ABCB1: variants seen among roughly 807,000 people sequenced by gnomAD.
ABCB1 encodes the protein ATP binding cassette subfamily B member 1.
A neutral mutation model predicts 142.0 loss-of-function variants in ABCB1; 69 were observed. That is an observed-to-expected ratio of 0.49 (90% confidence interval 0.40 to 0.59). ABCB1 has a LOEUF of 0.59. ABCB1 is among the 20% of genes least tolerant of loss of function. The pLI, the probability that ABCB1 is intolerant of heterozygous loss-of-function variation, is 0.00. For missense variants in ABCB1, 1,326 were observed against 1,554.7 expected (o/e 0.85, Z 2.47); for synonymous variants, 532 against 539.2 (o/e 0.99, Z 0.18).
At position 87,536,485 on chromosome 7, in the gene ABCB1, G is replaced by C; in HGVS notation, c.2454C>G (p.Leu818=). 2 of 1,613,920 alleles carry C rather than the reference G, an allele frequency of 1.2e-6. No individual in the cohort carries two copies. The highest frequency in any genetic ancestry group is 1.7e-6 in the Non-Finnish European group (2 of 1,179,890). The change falls in exon 20 of 28, where the codon CTC becomes CTG. Residue 818 remains leucine, a synonymous_variant. Transcript: ENST00000622132. ...KNTTGALTTR[L]ANDAAQVKGA... is the part of the protein sequence containing the mutation. ...CTTTAACTTGAGCAGCATCATTGGC[G>C]AGCCTGGTAGTCAATGCTCCAGTGG... is the stretch of plus-strand genomic sequence containing the variant.
intron 1 of ABCB1, among the ~76,000 whole-genome samples, chr7:87,681,919 A>G (rs1226842101): frequency 1.3e-5 from 2 of 152,178 alleles, no homozygotes; most frequent in Non-Finnish European, 2.9e-5. Flanking sequence ...TCTAGCATGC[A>G]ATGTTATTTG....
At chr7:87,554,539 A>C (rs1302658479) in intron 8 of ABCB1, among the ~76,000 whole-genome samples, 1 of 152,234 alleles carries the variant, frequency 6.6e-6, no homozygotes, top group Admixed American at 6.5e-5. Context: ...TTACTTCCGT[A>C]GACATTTATT....
At chr7:87,648,165 A>G (rs1823213966) in intron 1 of ABCB1, among the ~76,000 whole-genome samples, 1 of 150,452 alleles carries the variant, frequency 6.6e-6, no homozygotes, top group Non-Finnish European at 1.5e-5. Context: ...AGCCTGGGTG[A>G]CAGAGCGAGA....
At chr7:87,537,628 G>C (rs1816356440) in intron 19 of ABCB1, among the ~76,000 whole-genome samples, 1 of 152,176 alleles carries the variant, frequency 6.6e-6, no homozygotes, top group African/African-American at 2.4e-5. Flanking sequence ...ATGTTAAACA[G>C]TGAAACTCTT....
chr7:87,510,329 G>C (rs1814952775), intron 25 of ABCB1, among the ~76,000 whole-genome samples: 1 of 152,344 alleles, frequency 6.6e-6, no homozygotes, highest in East Asian at 1.9e-4. Context: ...AGGTGAACAG[G>C]GGTAGGAAAG....
At chr7:87,581,188 C>G (rs560177846) in intron 4 of ABCB1, among the ~76,000 whole-genome samples, 23 of 152,032 alleles carry the variant, frequency 1.5e-4, no homozygotes, top group Non-Finnish European at 2.6e-4. Flanking sequence ...AACTTCTGAC[C>G]TCAAGTGATC....
At chr7:87,570,128 G>T in intron 5 of ABCB1, 44 bp downstream of exon 5, 3 of 1,539,420 alleles carry the variant, frequency 1.9e-6, no homozygotes, top group Non-Finnish European at 1.8e-6. Flanking sequence ...ACAACTTGAT[G>T]AATATAGAAA....
intron 1 of ABCB1, among the ~76,000 whole-genome samples, chr7:87,619,537 T>C (rs950180104): frequency 7.5e-6 from 1 of 133,576 alleles, no homozygotes; most frequent in African/African-American, 2.9e-5. Flanking sequence ...AAACTCCATC[T>C]CAAAAAAAAA....
intron 4 of ABCB1, among the ~76,000 whole-genome samples, chr7:87,576,259 A>G (rs1818271184): frequency 6.6e-6 from 1 of 151,646 alleles, no homozygotes; most frequent in African/African-American, 2.4e-5. Flanking sequence ...TTATTATACC[A>G]TATATTATTA....
At chr7:87,583,178 A>G (rs1464739021) in intron 4 of ABCB1, among the ~76,000 whole-genome samples, 1 of 152,214 alleles carries the variant, frequency 6.6e-6, no homozygotes, top group South Asian at 2.1e-4. Context: ...TTTGTTGAGT[A>G]CTTCTTATGA....
chr7:87,683,461 C>A (rs1249043303), intron 1 of ABCB1, among the ~76,000 whole-genome samples: 2 of 152,100 alleles, frequency 1.3e-5, no homozygotes, highest in South Asian at 4.1e-4. Context: ...AGATATATGC[C>A]ACTCTTCACT....
intron 1 of ABCB1, among the ~76,000 whole-genome samples, chr7:87,692,528 A>G (rs1828109270): frequency 6.6e-6 from 1 of 152,288 alleles, no homozygotes; most frequent in East Asian, 1.9e-4. Flanking sequence ...CCCACCTTAT[A>G]TAAGGGGTTG....
Position 87,570,280 on chromosome 7 carries a change from A to G in ABCB1, c.287-57T>C, listed in dbSNP as rs1817992081. On this transcript the variant is annotated intron_variant, in intron 4 of 27. Coordinates refer to ENST00000622132, the MANE Select transcript of ABCB1 (RefSeq NM_001348946.2). ...TGTCTCTTTAGTCTCCATTAAAAAT[A>G]AACATGTAAAAATGAATCAAACTCA... 1.1e-5 allele frequency: 16 copies of G among 1,477,272 alleles called. No individual in the cohort carries two copies. In the South Asian group the frequency reaches 1.8e-4, roughly 17 times the overall value. The allele number at this position is 1,477,272 out of a possible 1,614,324, so 91.5% of individuals were successfully genotyped here. A position where few individuals can be genotyped will look rare whatever the true frequency, so the allele number is the denominator to read the frequency against.
At chr7:87,537,782 A>C (rs1816361062) in intron 19 of ABCB1, among the ~76,000 whole-genome samples, 1 of 152,210 alleles carries the variant, frequency 6.6e-6, no homozygotes, top group Admixed American at 6.5e-5. Context: ...TTTCTTTGTA[A>C]AACCATTTAT....
intron 1 of ABCB1, chr7:87,700,479 G>T: frequency 6.2e-7 from 1 of 1,613,198 alleles, no homozygotes; most frequent in Admixed American, 1.7e-5. Flanking sequence ...ATATCAGAGT[G>T]GCTTGCCGGA....
At chr7:87,572,230 C>A (rs1178894801) in intron 4 of ABCB1, among the ~76,000 whole-genome samples, 2 of 152,104 alleles carry the variant, frequency 1.3e-5, no homozygotes, top group East Asian at 3.9e-4. Flanking sequence ...ATGTCACTAC[C>A]AAATGAAGAC....
chr7:87,544,724 A>G, intron 16 of ABCB1, 99 bp downstream of exon 16: 2 of 1,204,952 alleles, frequency 1.7e-6, no homozygotes, highest in African/African-American at 1.5e-5. Flanking sequence ...AGGATTCTGG[A>G]TAACCTCTCT....
chr7:87,559,782 C>A (rs1817476375), intron 8 of ABCB1, among the ~76,000 whole-genome samples: 1 of 152,154 alleles, frequency 6.6e-6, no homozygotes. Context: ...AGCAGTCAGG[C>A]CTGAGAATCT....
chr7:87,544,402 A>G, intron 16 of ABCB1, 127 bp from the exon 17 acceptor site: 2 of 1,000,808 alleles, frequency 2.0e-6, no homozygotes, highest in Non-Finnish European at 2.9e-6. Context: ...AAGTGATGAC[A>G]ATTTTGCTTT....
Sources: gnomAD v4.1 joint callset for allele counts (sites outside exome capture counted in the v4.1 genomes callset) on GRCh38, gnomAD v4.1.1 for gene constraint, MANE v1.5 for transcripts, NCBI Gene and HGNC (gene_info 2026-07-23, HGNC 2026-07-21) for gene names.